Variants in FGFR1 observed in about 807,000 individuals in gnomAD.
FGFR1 encodes the protein fibroblast growth factor receptor 1, also known as FGFR1/PLAG1 fusion.
FGFR1 carries 18 observed loss-of-function variants against 93.7 expected under a neutral mutation model. The ratio of observed to expected loss-of-function variants is 0.19; its 90% CI spans 0.13 to 0.28. The LOEUF (loss-of-function observed/expected upper bound fraction) is 0.28. FGFR1 is among the 10% of genes least tolerant of loss of function. The probability of loss-of-function intolerance (pLI) is 1.00; values close to 1 mark genes in which losing one functional copy is unlikely to be tolerated. For missense variants in FGFR1, 731 were observed against 1,080.4 expected, an observed-to-expected ratio of 0.68 and a Z score of 4.53; for synonymous variants, 448 against 429.3, an observed-to-expected ratio of 1.04 and a Z score of -0.54.
In FGFR1 at chr8:38,429,867, C is replaced by T. The variant is rs200116660; in HGVS notation, c.173G>A (p.Arg58Gln). The T allele has an allele frequency of 8.1e-6, 13 of 1,614,024 alleles. No individual in the cohort carries two copies. The East Asian group carries it at 8.9e-5, about 11-fold the overall frequency. Residue 58 changes from arginine (R) to glutamine (Q), a missense_variant, in exon 3 of 18, where the codon CGG becomes CAG. By Grantham distance (43) the Arg-to-Gln change is conservative. This residue lies in a region of FGFR1 where 212 missense variants were observed against 205.8 expected (regional missense o/e 1.03). Transcript: ENST00000447712. This position sits in a 1 kb window ranked among gnomAD's most constrained non-coding sequence, Gnocchi z 4.4. Reference sequence around the variant, plus strand: ...CCAGTTGATGCTCTGCACATCGTCCCGCAGCCGACAGCGAAGCTGCAGCAG... The same window carrying T: ...CCAGTTGATGCTCTGCACATCGTCCTGCAGCCGACAGCGAAGCTGCAGCAG... ...GDLLQLRCRLRDDVQSINWLR... is the reference protein window; with the variant it reads ...GDLLQLRCRLQDDVQSINWLR...
chr8:38,423,814 A>G (rs1402668275), intron 7 of FGFR1: 1 of 163,064 alleles, frequency 6.1e-6, no homozygotes, highest in Non-Finnish European at 1.3e-5. Context: ...CAAAGAGAAG[A>G]GAAGGGAGGG....
At chr8:38,438,973 C>A (rs1826389630) in intron 2 of FGFR1, among the ~76,000 whole-genome samples, 1 of 152,142 alleles carries the variant, frequency 6.6e-6, no homozygotes, top group African/African-American at 2.4e-5. Context: ...CCCTGCGAGT[C>A]CAGCAGGCTC....
At chr8:38,452,773 G>A (rs1358333155) in intron 2 of FGFR1, among the ~76,000 whole-genome samples, 3 of 152,028 alleles carry the variant, frequency 2.0e-5, no homozygotes, top group Admixed American at 6.5e-5. Flanking sequence ...TCAGGAGACC[G>A]AGACCATCCT....
chr8:38,427,890 T>C (rs774461190), intron 5 of FGFR1, 31 bp downstream of exon 5: 1 of 1,613,914 alleles, frequency 6.2e-7, no homozygotes, highest in Non-Finnish European at 8.5e-7. Context: ...CTGTTCCCAT[T>C]ACTCTAACTT....
intron 2 of FGFR1, among the ~76,000 whole-genome samples, chr8:38,447,086 T>C (rs1272456676): frequency 6.9e-6 from 1 of 144,886 alleles, no homozygotes; most frequent in African/African-American, 2.6e-5. Flanking sequence ...ACAGGAGATA[T>C]TACTGCAAGC....
intron 2 of FGFR1, among the ~76,000 whole-genome samples, chr8:38,453,633 G>A (rs183676622): frequency 2.9e-3 from 445 of 152,242 alleles, no homozygotes; most frequent in Non-Finnish European, 5.1e-3. Flanking sequence ...CAGGTGTGGT[G>A]GCTCACACCT....
At chr8:38,436,868 C>T (rs1321057222) in intron 2 of FGFR1, among the ~76,000 whole-genome samples, 1 of 152,118 alleles carries the variant, frequency 6.6e-6, no homozygotes, top group East Asian at 1.9e-4. Flanking sequence ...GTACTTCCAA[C>T]AAGCCAACAG....
chr8:38,464,848 C>T (rs1230851444), intron 1 of FGFR1, among the ~76,000 whole-genome samples: 5 of 152,140 alleles, frequency 3.3e-5, no homozygotes, highest in African/African-American at 1.2e-4. Flanking sequence ...GCCATTTTGA[C>T]GAAAGACACT....
rs1326417976 is a variant in FGFR1, at chr8:38,468,491, C to A, written c.-599G>T. On this transcript the variant is annotated 5_prime_UTR_variant, in exon 1 of 18. Transcript: ENST00000447712. ...GCAATGCGCTACGAGGGGTCTCGGT[C>A]CCGTCCGGACGTGGCCGCCCAGCTC... 4.8e-5 allele frequency: 11 copies of A among 228,530 alleles called. No homozygotes were observed. The highest frequency in any genetic ancestry group is 8.7e-5 in the Non-Finnish European group (10 of 114,890). The allele number at this position is 228,530 out of a possible 1,614,324, so 14.2% of individuals were successfully genotyped here.
rs1199849450 is a variant in FGFR1 at position 38,429,812 on chromosome 8, G to A, written c.228C>T (p.Ser76=). 26 of 1,613,636 alleles carry A rather than the reference G, an allele frequency of 1.6e-5. No individual in the cohort carries two copies. The highest frequency in any genetic ancestry group is 3.3e-5 in the Admixed American group (2 of 59,966). ...CCTCCCCTGTGATGCGGGTGCGGTT[G>A]CTTTCCGCCAGCTGCACCCCGTCCC... The part of the protein sequence containing the change: ...WLRDGVQLAE[S]NRTRITGEEV... Residue 76 remains serine (S), a synonymous_variant, in exon 3 of 18, where the codon AGC becomes AGT. Transcript: ENST00000447712. This position sits in a 1 kb window ranked among gnomAD's most constrained non-coding sequence, Gnocchi z 4.4.
rs1056712623 is a variant in FGFR1, at chr8:38,413,875, G to A, written c.2292+43C>T. ...CTGCTCAGGGAGGTGCGTGCACGCA[G>A]TGGGGACGGCCTGAGCTCTGGCTCT... On this transcript the variant is annotated intron_variant, in intron 17 of 17. Transcript: ENST00000447712. The surrounding 1 kb of genome is among the most constrained non-coding windows in gnomAD (Gnocchi z 4.2). 3 of 1,613,470 alleles carry A rather than the reference G, an allele frequency of 1.9e-6. No individual in the cohort carries two copies. Among genetic ancestry groups the A allele is most frequent in the Non-Finnish European group, 2.5e-6 (3 of 1,179,582 alleles).
In FGFR1 at chr8:38,468,600, G is replaced by A. The variant is rs746438765; in HGVS notation, c.-708C>T. The A allele has an allele frequency of 7.8e-5, 18 of 229,710 alleles. No individual in the cohort carries two copies. The highest frequency in any genetic ancestry group is 1.3e-4 in the Non-Finnish European group (15 of 115,728). 14.2% of individuals were successfully genotyped at this position (229,710 alleles called of 1,614,324 possible). On this transcript the variant is annotated 5_prime_UTR_variant, in exon 1 of 18. Transcript: ENST00000447712. ...GCTGCCGCCCGCCGCCGAGGACGCC[G>A]CGCCTGTGGCCGCAAGAGCGCTCCG...
intron 1 of FGFR1, among the ~76,000 whole-genome samples, chr8:38,458,367 C>A (rs1206166807): frequency 1.3e-5 from 2 of 152,058 alleles, no homozygotes; most frequent in African/African-American, 4.8e-5. Context: ...ATGGTGAAAT[C>A]CCATCTCTAC....
intron 1 of FGFR1, chr8:38,465,873 A>C (rs1293454231): frequency 4.5e-6 from 1 of 223,598 alleles, no homozygotes; most frequent in Non-Finnish European, 8.9e-6. Context: ...GGTAGGGCAC[A>C]TCTGCGGAGG....
chr8:38,461,233 G>A (rs1206292798), intron 1 of FGFR1: 33 of 1,123,704 alleles, frequency 2.9e-5, no homozygotes, highest in East Asian at 1.9e-4. Flanking sequence ...GACGGACCAC[G>A]TGACCTTGAA....
At chr8:38,418,647 G>C (rs1015601469) in intron 9 of FGFR1, 1 of 520,776 alleles carries the variant, frequency 1.9e-6, no homozygotes, top group South Asian at 2.2e-5. Context: ...TTTTATAACT[G>C]ATCATTGCAG....
At position 38,436,833 on chromosome 8, in the gene FGFR1, CT is replaced by C. The variant is rs1276762852; in HGVS notation, c.92-6886del. Among the ~76,000 whole-genome samples the C allele has an allele frequency of 5.3e-5, 8 of 152,284 alleles. No individual in the cohort carries two copies. The East Asian group carries it at 1.5e-3, about 29-fold the overall frequency. ...CTACTGAATCCCTCTTCCCTTCCTACTTTCCCCCCAAATACTGCAGGCTTGT... is the reference window on the plus strand; with the variant it reads ...CTACTGAATCCCTCTTCCCTTCCTACTTCCCCCCAAATACTGCAGGCTTGT... On this transcript the variant is annotated intron_variant, in intron 2 of 17. Coordinates refer to ENST00000447712, the MANE Select transcript of FGFR1 (RefSeq NM_023110.3).
rs2150855742 is a variant in FGFR1, at chr8:38,426,093, C to A, written c.745+29G>T. 2.5e-6 allele frequency: 4 copies of A among 1,613,944 alleles called. No homozygotes were observed. The highest frequency in any genetic ancestry group is 1.1e-5 in the South Asian group (1 of 91,064). ...CAAGCCTGGCTCTTCCCACTAAACT[C>A]ATTCCTCCTGCTGCCTCTGCCCTCT... On this transcript the variant is annotated intron_variant, in intron 6 of 17. Coordinates refer to ENST00000447712, the MANE Select transcript of FGFR1 (RefSeq NM_023110.3). The surrounding 1 kb of genome is among the most constrained non-coding windows in gnomAD (Gnocchi z 4.1).
chr8:38,433,754 G>C (rs769168371), intron 2 of FGFR1, among the ~76,000 whole-genome samples: 8 of 152,136 alleles, frequency 5.3e-5, no homozygotes, highest in Non-Finnish European at 1.0e-4. Context: ...ATTTTGTATT[G>C]TTTCTATTTT....
Sources: allele counts gnomAD v4.1 joint callset (sites outside exome capture counted in the v4.1 genomes callset), GRCh38; gene constraint gnomAD v4.1.1; regional missense constraint gnomAD v4.1.1; non-coding constraint Gnocchi (gnomAD v3.1); transcripts MANE v1.5; gene names NCBI Gene and HGNC (gene_info 2026-07-23, HGNC 2026-07-21).